CHRNA9: variants seen among roughly 807,000 people sequenced by gnomAD.
CHRNA9 encodes the protein cholinergic receptor nicotinic alpha 9 subunit, also known as neuronal acetylcholine receptor subunit alpha-9.
Under a neutral mutation model 36.8 loss-of-function variants are expected in CHRNA9, and 24 were observed. That is an observed-to-expected ratio of 0.65 (90% CI 0.47 to 0.92). CHRNA9 has a LOEUF of 0.92. CHRNA9 is among the 40% of genes least tolerant of loss of function. The pLI is 0.00. For synonymous variants in CHRNA9, 231 were observed against 231.8 expected (o/e 1.00, Z 0.03); for missense variants, 610 against 601.2 (o/e 1.01, Z -0.15).
rs1488010843 is a variant in CHRNA9, at chr4:40,348,999, C to T, written c.483C>T (p.Tyr161=). 1.2e-6 allele frequency: 2 copies of T among 1,614,102 alleles called. No individual in the cohort carries two copies. Among genetic ancestry groups the T allele is most frequent in the Admixed American group, 3.3e-5 (2 of 60,002 alleles). Residue 161 remains tyrosine (Y), a synonymous_variant, in exon 4 of 5, where the codon TAC becomes TAT. Coordinates refer to ENST00000310169, the MANE Select transcript of CHRNA9 (RefSeq NM_017581.4). Reference sequence around the variant, plus strand: ...GCTCCTGTGTGGTGGATGTCACCTACTTCCCTTTTGACAACCAGCAGTGCA... The same window carrying T: ...GCTCCTGTGTGGTGGATGTCACCTATTTCCCTTTTGACAACCAGCAGTGCA... The part of the protein sequence containing the change: ...TKSSCVVDVT[Y]FPFDNQQCNL...
chr4:40,339,684 CG>C (rs1282880958), intron 3 of CHRNA9, among the ~76,000 whole-genome samples: 1 of 115,070 alleles, frequency 8.7e-6, no homozygotes. Context: ...AAAAAAAAGG[CG>C]GGGTCTCACT....
chr4:40,338,618 G>C (rs571656299), intron 3 of CHRNA9, among the ~76,000 whole-genome samples: 2 of 152,098 alleles, frequency 1.3e-5, no homozygotes, highest in African/African-American at 2.4e-5. Context: ...GAAGCAGCAC[G>C]GGTGGGTTGC....
At position 40,335,530 on chromosome 4, in the gene CHRNA9, A is replaced by G. The variant is rs749757759; in HGVS notation, c.63A>G (p.Arg21=). ...TCTACTTTGCTGCTTCCAGACTGAG[A>G]GGTGAGAGGCTGGTGACACGTAACC... ...CWIYFAASRL[R]AAETADGKYA... The change falls in exon 1 of 5, where the codon AGA becomes AGG. Residue 21 remains arginine (R), a splice_region_variant and synonymous_variant. Transcript: ENST00000310169. The G allele has an allele frequency of 6.2e-7, 1 of 1,610,680 alleles. No individual in the cohort carries two copies. The highest frequency in any genetic ancestry group is 8.5e-7 in the Non-Finnish European group (1 of 1,176,798).
At position 40,354,378 on chromosome 4, in the gene CHRNA9, A is replaced by T. The variant is rs1712893743; in HGVS notation, c.1298A>T (p.Lys433Met). ...VLTRNIEYIA[K>M]CLKDHKATNS... The stretch of plus-strand genomic sequence containing the variant: ...ACGAGGAATATTGAGTACATCGCCA[A>T]GTGCCTCAAAGACCACAAGGCCACC... The change falls in exon 5 of 5, where the codon AAG (lysine) becomes ATG (methionine). Residue 433 changes from lysine to methionine, a missense_variant. Lys to Met is a moderately conservative substitution (Grantham distance 95). Coordinates refer to ENST00000310169, the MANE Select transcript of CHRNA9 (RefSeq NM_017581.4). The T allele has an allele frequency of 6.2e-7, 1 of 1,614,236 alleles. No individual in the cohort carries two copies. Among genetic ancestry groups the T allele is most frequent in the African/African-American group, 1.3e-5 (1 of 75,064 alleles).
Position 40,346,054 on chromosome 4 carries a change from A to AAC in CHRNA9, c.366-2827_366-2826insCA, listed in dbSNP as rs1560317203. ...CAAACAACAACAACAACAACAACAA[A>AAC]AACCCACAACCTACTCCAAAGCAGC... On this transcript the variant is annotated intron_variant, in intron 3 of 4. Coordinates refer to ENST00000310169, the MANE Select transcript of CHRNA9 (RefSeq NM_017581.4). Among the ~76,000 whole-genome samples, 68 of 151,712 alleles carry AAC rather than the reference A, an allele frequency of 4.5e-4. 1 individual carries two copies. The East Asian group carries it at 7.0e-3, about 16-fold the overall frequency.
intron 1 of CHRNA9, 84 bp downstream of exon 1, chr4:40,335,615 A>G (rs1712293899): frequency 8.7e-7 from 1 of 1,153,628 alleles, no homozygotes; most frequent in Non-Finnish European, 1.3e-6. Context: ...AGGGAAGACA[A>G]AACAGATGAT....
chr4:40,350,858 G>A (rs1353856241), intron 4 of CHRNA9, among the ~76,000 whole-genome samples: 2 of 152,074 alleles, frequency 1.3e-5, no homozygotes, highest in Admixed American at 6.6e-5. Context: ...CCCTGTTTGA[G>A]GAAAGATCAT....
At chr4:40,336,060 T>C (rs1577542851) in intron 2 of CHRNA9, 88 bp downstream of exon 2, 1 of 1,175,960 alleles carries the variant, frequency 8.5e-7, no homozygotes, top group East Asian at 2.4e-5. Context: ...AACTGGGAAT[T>C]TGAGAGGGAA....
intron 3 of CHRNA9, among the ~76,000 whole-genome samples, chr4:40,340,705 T>G (rs1402501393): frequency 1.3e-5 from 2 of 152,080 alleles, no homozygotes; most frequent in Non-Finnish European, 2.9e-5. Context: ...GGCAGGAAGA[T>G]GCTTAGCATC....
chr4:40,342,570 A>G (rs1486724608), intron 3 of CHRNA9, among the ~76,000 whole-genome samples: 1 of 152,236 alleles, frequency 6.6e-6, no homozygotes, highest in Non-Finnish European at 1.5e-5. Context: ...ATGTCTAGGA[A>G]TAAGCCATAA....
At chr4:40,350,526 A>C (rs570918265) in intron 4 of CHRNA9, among the ~76,000 whole-genome samples, 1 of 152,296 alleles carries the variant, frequency 6.6e-6, no homozygotes, top group South Asian at 2.1e-4. Context: ...CCTTAAAGTA[A>C]GCAACAAGGA....
intron 3 of CHRNA9, among the ~76,000 whole-genome samples, chr4:40,339,083 G>A (rs1269490841): frequency 6.6e-6 from 1 of 151,856 alleles, no homozygotes; most frequent in Non-Finnish European, 1.5e-5. Flanking sequence ...TTCGAGAACA[G>A]CCTTGCTAAC....
chr4:40,354,033 T>C lies in CHRNA9; in HGVS notation c.953T>C (p.Ile318Thr). The C allele has an allele frequency of 5.6e-6, 9 of 1,614,160 alleles. No individual in the cohort carries two copies. The highest frequency in any genetic ancestry group is 7.6e-6 in the Non-Finnish European group (9 of 1,180,006). The change falls in exon 5 of 5, where the codon ATC (isoleucine) becomes ACC (threonine). Residue 318 changes from isoleucine to threonine, a missense_variant. By Grantham distance (89) the Ile-to-Thr change is moderately conservative (BLOSUM62 -1). Transcript: ENST00000310169. ...ALITASTALT[I>T]MVMNIHFCGA... is the part of the protein sequence containing the mutation. ...ATCACAGCCTCCACTGCGTTGACCA[T>C]CATGGTGATGAATATCCACTTCTGT...
chr4:40,339,271 C>A (rs1261815827), intron 3 of CHRNA9, among the ~76,000 whole-genome samples: 1 of 82,270 alleles, frequency 1.2e-5, no homozygotes, highest in Admixed American at 1.8e-4. Flanking sequence ...AAGAGCGAGA[C>A]TCCATCTCAA....
At chr4:40,340,986 A>AAAAAAAG (rs1279931110) in intron 3 of CHRNA9, among the ~76,000 whole-genome samples, 1 of 151,694 alleles carries the variant, frequency 6.6e-6, no homozygotes, top group Non-Finnish European at 1.5e-5. Flanking sequence ...AAAAAAAAAA[A>AAAAAAAG]AAAAAAAGAA....
At chr4:40,348,199 T>C (rs1372560248) in intron 3 of CHRNA9, 3 of 152,448 alleles carry the variant, frequency 2.0e-5, no homozygotes, top group Middle Eastern at 3.4e-3. Context: ...CCAGGGACAC[T>C]GGGGCACCTT....
At chr4:40,349,947 G>A (rs1712747068) in intron 4 of CHRNA9, 1 of 156,160 alleles carries the variant, frequency 6.4e-6, no homozygotes, top group Non-Finnish European at 1.4e-5. Flanking sequence ...CAAGTTACTT[G>A]TTCTCTTAGT....
At chr4:40,336,198 A>G (rs1712313648) in intron 2 of CHRNA9, among the ~76,000 whole-genome samples, 1 of 152,220 alleles carries the variant, frequency 6.6e-6, no homozygotes, top group Non-Finnish European at 1.5e-5. Flanking sequence ...TAGATAATCT[A>G]AAGAAAGATG....
Position 40,353,959 on chromosome 4 carries a change from G to A in CHRNA9, c.899-20G>A, listed in dbSNP as rs371610548. 252 of 1,565,978 alleles carry A rather than the reference G, an allele frequency of 1.6e-4. No homozygotes were observed. The highest frequency in any genetic ancestry group is 2.0e-4 in the Non-Finnish European group (228 of 1,154,074). ...ACCATTTTAAAGCAAATTCAGTTAC[G>A]GTTGTTATTTTAATTCCAGGTAAAT... On this transcript the variant is annotated intron_variant, in intron 4 of 4. Transcript: ENST00000310169.
Sources: gnomAD v4.1 joint callset for allele counts (sites outside exome capture counted in the v4.1 genomes callset) on GRCh38, gnomAD v4.1.1 for gene constraint, MANE v1.5 for transcripts, NCBI Gene and HGNC (gene_info 2026-07-23, HGNC 2026-07-21) for gene names.